Variants in SNX18 observed in about 807,000 individuals in gnomAD.
SNX18 encodes the protein sorting nexin 18, also known as sorting nexin-18.
SNX18 carries 35 observed loss-of-function variants against 48.7 expected under a neutral mutation model. The ratio of observed to expected loss-of-function variants is 0.72; its 90% CI spans 0.55 to 0.95. The LOEUF (loss-of-function observed/expected upper bound fraction) is 0.95, where lower values mean the gene tolerates loss of function less well. SNX18 is among the 40% of genes least tolerant of loss of function. The pLI, the probability that SNX18 is intolerant of heterozygous loss-of-function variation, is 0.00. For missense variants in SNX18, 824 were observed against 871.0 expected, an observed-to-expected ratio of 0.95 and a Z score of 0.68; for synonymous variants, 492 against 384.7, an observed-to-expected ratio of 1.28 and a Z score of -3.26.
chr5:54,519,602 A>G (rs748773217), intron 1 of SNX18, 29 bp downstream of exon 1: 3 of 1,614,164 alleles, frequency 1.9e-6, no homozygotes, highest in South Asian at 2.2e-5. Flanking sequence ...AGCAGGTGAT[A>G]TGGAGTGTAT....
chr5:54,635,343 G>C, the SNX18 span, among the ~76,000 whole-genome samples: 7 of 151,992 alleles, frequency 4.6e-5, no homozygotes, highest in African/African-American at 1.5e-4. Flanking sequence ...GCTGTGAAAA[G>C]GGAAAATATA....
the SNX18 span, among the ~76,000 whole-genome samples, chr5:54,617,104 C>T: frequency 6.6e-6 from 1 of 152,198 alleles, no homozygotes; most frequent in African/African-American, 2.4e-5. Context: ...TCGTCAAAGG[C>T]CCCTTCAAAG....
chr5:54,584,033 C>A, the SNX18 span, among the ~76,000 whole-genome samples: 1 of 150,636 alleles, frequency 6.6e-6, no homozygotes, highest in Non-Finnish European at 1.5e-5. Flanking sequence ...TTCTGGGTTG[C>A]CAGTGTGTAG....
At chr5:54,646,276 TC>T in the SNX18 span, among the ~76,000 whole-genome samples, 23 of 152,376 alleles carry the variant, frequency 1.5e-4, no homozygotes, top group Admixed American at 1.4e-3. Flanking sequence ...TAATCTTTTT[TC>T]TTTTCTTCTG....
chr5:54,603,233 TA>T, the SNX18 span, among the ~76,000 whole-genome samples: 1 of 18,290 alleles, frequency 5.5e-5, no homozygotes, highest in Admixed American at 4.3e-4. Flanking sequence ...TATTTAAAAA[TA>T]TATATATATA....
chr5:54,572,664 A>G, the SNX18 span, among the ~76,000 whole-genome samples: 1 of 146,268 alleles, frequency 6.8e-6, no homozygotes. Flanking sequence ...GTTGATGCTT[A>G]TGTTAATTTA....
At chr5:54,559,865 A>G in the SNX18 span, among the ~76,000 whole-genome samples, 1 of 152,046 alleles carries the variant, frequency 6.6e-6, no homozygotes, top group Non-Finnish European at 1.5e-5. Flanking sequence ...AATTTACAAG[A>G]AAAAAAATAA....
intron 1 of SNX18, among the ~76,000 whole-genome samples, chr5:54,527,134 G>A (rs1185408982): frequency 6.6e-6 from 1 of 152,132 alleles, no homozygotes; most frequent in African/African-American, 2.4e-5. Flanking sequence ...GACTTGGAAT[G>A]AAAGCCCGAG....
chr5:54,562,375 T>A, the SNX18 span, among the ~76,000 whole-genome samples: 1 of 152,298 alleles, frequency 6.6e-6, no homozygotes, highest in Admixed American at 6.5e-5. Context: ...TTATACCATA[T>A]AAGTATGAGA....
the SNX18 span, among the ~76,000 whole-genome samples, chr5:54,581,339 C>A: frequency 6.6e-6 from 1 of 152,098 alleles, no homozygotes; most frequent in Admixed American, 6.5e-5. Context: ...AGTTAGGAAG[C>A]AATTGTCTAG....
At chr5:54,569,757 T>C in the SNX18 span, among the ~76,000 whole-genome samples, 1 of 152,154 alleles carries the variant, frequency 6.6e-6, no homozygotes, top group African/African-American at 2.4e-5. Flanking sequence ...GTGAGTGTTC[T>C]ACCTAGTGAA....
chr5:54,612,702 C>G, the SNX18 span, among the ~76,000 whole-genome samples: 1 of 152,188 alleles, frequency 6.6e-6, no homozygotes, highest in Non-Finnish European at 1.5e-5. Context: ...TTTTCCAAAG[C>G]TGCAGCCATA....
chr5:54,636,073 G>A, the SNX18 span, among the ~76,000 whole-genome samples: 8 of 152,228 alleles, frequency 5.3e-5, 1 homozygote, highest in South Asian at 6.2e-4. Flanking sequence ...CACCAGCTTA[G>A]GAGAAAGGCT....
At chr5:54,575,733 C>A in the SNX18 span, among the ~76,000 whole-genome samples, 1 of 152,214 alleles carries the variant, frequency 6.6e-6, no homozygotes, top group South Asian at 2.1e-4. Context: ...CCCCACCCCA[C>A]CATACCAGGA....
chr5:54,585,984 G>A, the SNX18 span, among the ~76,000 whole-genome samples: 18 of 147,592 alleles, frequency 1.2e-4, no homozygotes, highest in African/African-American at 4.0e-4. Flanking sequence ...CAGCCTGGGC[G>A]ACGGAGCGAG....
chr5:54,588,306 C>CTTTTTTTTTTTTTT, the SNX18 span, among the ~76,000 whole-genome samples: 104 of 73,914 alleles, frequency 1.4e-3, 10 homozygotes, highest in East Asian at 2.4e-3. Context: ...TATTTCTATT[C>CTTTTTTTTTTTTTT]TTTTTTTTTT....
intron 1 of SNX18, among the ~76,000 whole-genome samples, chr5:54,533,412 GGGTTGCTCATCCCTATGTT>G (rs1277475765): frequency 1.3e-5 from 2 of 152,134 alleles, no homozygotes; most frequent in African/African-American, 4.8e-5. Context: ...GGTGGTTTGT[GGGTTGCTCATCCCTATGTT>G]GGTGGCATAG....
At chr5:54,616,070 A>T in the SNX18 span, among the ~76,000 whole-genome samples, 1 of 152,202 alleles carries the variant, frequency 6.6e-6, no homozygotes, top group Admixed American at 6.5e-5. Flanking sequence ...CTGCCTCTGG[A>T]ATCCCAGAAA....
intron 1 of SNX18, among the ~76,000 whole-genome samples, chr5:54,533,354 G>T (rs1762285808): frequency 6.6e-6 from 1 of 152,138 alleles, no homozygotes; most frequent in South Asian, 2.1e-4. Flanking sequence ...TCTAAACCTG[G>T]AACCCACTTA....
Sources: gnomAD v4.1 joint callset for allele counts (sites outside exome capture counted in the v4.1 genomes callset) on GRCh38, gnomAD v4.1.1 for gene constraint, MANE v1.5 for transcripts, NCBI Gene and HGNC (gene_info 2026-07-23, HGNC 2026-07-21) for gene names.